The following DMD variants were observed in gnomAD, a reference collection of about 807,000 sequenced individuals.
DMD encodes mutant dystrophin.
Under a neutral mutation model 330.1 loss-of-function variants are expected in DMD, and 63 were observed. The ratio of observed to expected loss-of-function variants is 0.19; its 90% CI spans 0.16 to 0.24. The LOEUF (loss-of-function observed/expected upper bound fraction) is 0.24. Ranked by LOEUF, DMD falls within the 10% of genes least tolerant of loss-of-function variation. DMD has a pLI of 1.00. For missense variants in DMD, 3,344 were observed against 2,684.1 expected (o/e 1.25, Z -5.43); for synonymous variants, 1,223 against 959.8 (o/e 1.27, Z -5.07).
At chrX:31,394,448 T>C (rs2060819611) in intron 60 of DMD, among the ~76,000 whole-genome samples, 1 of 112,662 alleles carries the variant, frequency 8.9e-6, no homozygotes, top group Non-Finnish European at 1.9e-5. Context: ...TTTTAAAACC[T>C]GAGGATAAAG....
chrX:32,432,620 T>C (rs1370809108), intron 29 of DMD, among the ~76,000 whole-genome samples: 1 of 111,934 alleles, frequency 8.9e-6, no homozygotes, highest in African/African-American at 3.2e-5. Context: ...GGGATTTAAG[T>C]TTGATGTTGC....
chrX:33,009,530 G>T (rs1488825928), intron 2 of DMD, among the ~76,000 whole-genome samples: 1 of 88,092 alleles, frequency 1.1e-5, no homozygotes, highest in Admixed American at 1.2e-4. Flanking sequence ...GTGTGTATGT[G>T]TGTATGTGTA....
intron 1 of DMD, among the ~76,000 whole-genome samples, chrX:33,068,405 C>T (rs979922458): frequency 2.7e-4 from 30 of 111,839 alleles, no homozygotes; most frequent in African/African-American, 8.4e-4. Flanking sequence ...GCAGTGACAG[C>T]GGAGGAGGTA....
intron 16 of DMD, among the ~76,000 whole-genome samples, chrX:32,558,738 A>G (rs2050607812): frequency 9.0e-6 from 1 of 110,835 alleles, no homozygotes; most frequent in Non-Finnish European, 1.9e-5. Context: ...ATAAAGAATG[A>G]GAGATTCCAA....
chrX:31,121,170 AAGTC>A lies in DMD; in HGVS notation c.*745_*748del, dbSNP rs955955517. The stretch of plus-strand genomic sequence containing the variant: ...GACATGAACATTTAAAAAATGGAAA[AAGTC>A]AGTCTATAGAAATTCGTATCTCTTT... On this transcript the variant is annotated 3_prime_UTR_variant, in exon 79 of 79. Transcript: ENST00000357033. 1.8e-5 allele frequency: 2 copies of A among 111,388 alleles called. No homozygotes were observed. The highest frequency in any genetic ancestry group is 3.8e-5 in the Non-Finnish European group (2 of 53,034). The allele number at this position is 111,388 out of a possible 1,213,427, so 9.2% of individuals were successfully genotyped here.
At chrX:31,211,636 C>A (rs1177909262) in intron 64 of DMD, among the ~76,000 whole-genome samples, 6 of 112,044 alleles carry the variant, frequency 5.4e-5, no homozygotes, top group Admixed American at 1.9e-4. Flanking sequence ...TTTTATGGGG[C>A]CTGCTCTTAT....
chrX:31,271,422 T>C (rs1422307344), intron 62 of DMD, among the ~76,000 whole-genome samples: 1 of 111,469 alleles, frequency 9.0e-6, no homozygotes, highest in Non-Finnish European at 1.9e-5. Context: ...ACTAGGCTGT[T>C]CCTACCTTCC....
chrX:32,860,105 A>G (rs919847123), intron 2 of DMD, among the ~76,000 whole-genome samples: 6 of 112,296 alleles, frequency 5.3e-5, no homozygotes, highest in South Asian at 3.7e-4. Flanking sequence ...TATGAAATAA[A>G]GAAATACGGA....
intron 64 of DMD, among the ~76,000 whole-genome samples, chrX:31,220,896 A>ATTTTTTTTT (rs61226425): frequency 2.9e-5 from 1 of 34,824 alleles, no homozygotes; most frequent in Non-Finnish European, 4.7e-5. Context: ...TTTTTTTGCG[A>ATTTTTTTTT]TTTTTTTTTT....
At chrX:33,127,686 G>A (rs897440225) in intron 1 of DMD, among the ~76,000 whole-genome samples, 2 of 70,611 alleles carry the variant, frequency 2.8e-5, no homozygotes, top group African/African-American at 1.0e-4. Context: ...TGAAACACAG[G>A]TTTTTCTATT....
chrX:32,980,259 G>A (rs764129880), intron 2 of DMD, among the ~76,000 whole-genome samples: 24 of 106,056 alleles, frequency 2.3e-4, no homozygotes, highest in African/African-American at 7.2e-4. Flanking sequence ...CCAGCTACTC[G>A]GGAGGCTGAG....
intron 2 of DMD, among the ~76,000 whole-genome samples, chrX:32,926,761 A>G (rs909912609): frequency 9.1e-6 from 1 of 110,004 alleles, no homozygotes; most frequent in Non-Finnish European, 1.9e-5. Context: ...CCAAAAAAAA[A>G]AAAAAAAAGT....
At chrX:32,849,872 C>G (rs2080992995) in intron 2 of DMD, 52 bp from the exon 3 acceptor site, 2 of 891,657 alleles carry the variant, frequency 2.2e-6, no homozygotes, top group African/African-American at 2.0e-5. Context: ...TCCAATGATA[C>G]ATTTTCACGA....
chrX:32,702,540 A>G (rs2064228012), intron 7 of DMD, among the ~76,000 whole-genome samples: 1 of 111,315 alleles, frequency 9.0e-6, no homozygotes, highest in Non-Finnish European at 1.9e-5. Context: ...TCAACAGCAA[A>G]CTAGAAAACC....
At chrX:32,619,613 T>A (rs969620154) in intron 11 of DMD, among the ~76,000 whole-genome samples, 6 of 112,057 alleles carry the variant, frequency 5.4e-5, no homozygotes, top group Admixed American at 9.5e-5. Flanking sequence ...AAGCAATGTT[T>A]AGAAATTGAT....
chrX:32,253,065 C>G (rs2097283325), intron 43 of DMD, among the ~76,000 whole-genome samples: 1 of 102,150 alleles, frequency 9.8e-6, no homozygotes, highest in South Asian at 4.1e-4. Context: ...TGAGGGAAAA[C>G]AGTTTTATCT....
Position 32,060,971 on chromosome X carries a change from G to C in DMD, c.6439-92457C>G, listed in dbSNP as rs148738271. 7.1e-3 allele frequency among the ~76,000 whole-genome samples: 792 copies of C among 110,933 alleles called. 7 individuals carry two copies. Among genetic ancestry groups the C allele is most frequent in the African/African-American group, 0.024 (726 of 30,555 alleles). On this transcript the variant is annotated intron_variant, in intron 44 of 78. Transcript: ENST00000357033. The stretch of plus-strand genomic sequence containing the variant: ...CTCCAGCTTCTTTGCCTGGAAAATG[G>C]GAACGATAATAAAACGCACTTTGGC...
chrX:32,571,756 A>C (rs1458344083), intron 15 of DMD, among the ~76,000 whole-genome samples: 5 of 111,691 alleles, frequency 4.5e-5, no homozygotes, highest in African/African-American at 6.5e-5. Flanking sequence ...TTCTCCTGTT[A>C]GGGCTAATAA....
intron 70 of DMD, chrX:31,178,438 T>A: frequency 1.1e-6 from 1 of 938,005 alleles, no homozygotes; most frequent in Non-Finnish European, 1.3e-6. Context: ...TGTGGTTTTT[T>A]TTTTTTTTTC....
Sources: allele counts gnomAD v4.1 joint callset (sites outside exome capture counted in the v4.1 genomes callset), GRCh38; gene constraint gnomAD v4.1.1; transcripts MANE v1.5; gene names NCBI Gene and HGNC (gene_info 2026-07-23, HGNC 2026-07-21).